The following ODAD1 variants were observed in gnomAD, a reference collection of about 807,000 sequenced individuals.
ODAD1 encodes the protein outer dynein arm docking complex subunit 1, also known as outer dynein arm-docking complex subunit 1.
A neutral mutation model predicts 67.2 loss-of-function variants in ODAD1; 49 were observed. The ratio of observed to expected loss-of-function variants is 0.73; its 90% CI spans 0.58 to 0.92. The LOEUF is 0.92. Ranked by LOEUF, ODAD1 falls within the 40% of genes least tolerant of loss-of-function variation. The pLI, the probability that ODAD1 is intolerant of heterozygous loss-of-function variation, is 0.00. For synonymous variants in ODAD1, 345 were observed against 393.7 expected, an observed-to-expected ratio of 0.88 and a Z score of 1.46; for missense variants, 897 against 953.7, an observed-to-expected ratio of 0.94 and a Z score of 0.78.
rs201076998 is a variant in ODAD1 at position 48,298,035 on chromosome 19, C to T, written c.1467G>A (p.Pro489=). 1.2e-5 allele frequency: 19 copies of T among 1,613,306 alleles called. No homozygotes were observed. The highest frequency in any genetic ancestry group is 4.5e-5 in the East Asian group (2 of 44,872). ...LVLGQSLEDL[P]KKMAPLQPPD... ...GGGGCTGAAGTGGGGCCATCTTCTT[C>T]GGAAGGTCCTCCAGGCTCTGGCCCA... The change falls in exon 14 of 16, where the codon CCG becomes CCA. Residue 489 remains proline, a synonymous_variant. Coordinates refer to ENST00000674294, the MANE Select transcript of ODAD1 (RefSeq NM_001364171.2).
intron 12 of ODAD1, among the ~76,000 whole-genome samples, chr19:48,302,117 T>C (rs554584523): frequency 7.0e-6 from 1 of 142,222 alleles, no homozygotes; most frequent in Non-Finnish European, 1.5e-5. Flanking sequence ...GATGGATGAA[T>C]GGATGGATGG....
intron 12 of ODAD1, among the ~76,000 whole-genome samples, chr19:48,299,731 G>A (rs575639902): frequency 1.3e-5 from 2 of 152,252 alleles, no homozygotes; most frequent in Admixed American, 6.5e-5. Flanking sequence ...GAACCAGGAG[G>A]GGGAGATTGC....
At position 48,312,128 on chromosome 19, in the gene ODAD1, A is replaced by T. The variant is rs1245345726; in HGVS notation, c.361-12T>A. On this transcript the variant is annotated splice_polypyrimidine_tract_variant and intron_variant, in intron 5 of 15. Coordinates refer to ENST00000674294, the MANE Select transcript of ODAD1 (RefSeq NM_001364171.2). ...TCCCACTCCTGGATCTACAAGAAAGAGGATGGTACCTGTTTTTGGTTGCCT... is the reference window on the plus strand; with the variant it reads ...TCCCACTCCTGGATCTACAAGAAAGTGGATGGTACCTGTTTTTGGTTGCCT... The T allele has an allele frequency of 3.9e-6, 6 of 1,550,234 alleles. No individual in the cohort carries two copies. Among genetic ancestry groups the T allele is most frequent in the Non-Finnish European group, 5.2e-6 (6 of 1,145,750 alleles).
At position 48,318,728 on chromosome 19, in the gene ODAD1, C is replaced by T. The variant is rs746803038; in HGVS notation, c.155G>A (p.Arg52His). ...RRAYSKEVHQ[R>H]INKQLEEIRR... ...CCCAGCTCACAGTTGCTTGTTGATGCGCTGGTGGACTTCCTTGCTGTAGGC... is the reference window on the plus strand; with the variant it reads ...CCCAGCTCACAGTTGCTTGTTGATGTGCTGGTGGACTTCCTTGCTGTAGGC... The change falls in exon 4 of 16, where the codon CGC (arginine) becomes CAC (histidine). Residue 52 changes from arginine to histidine, a missense_variant. Coordinates refer to ENST00000674294, the MANE Select transcript of ODAD1 (RefSeq NM_001364171.2). 3.8e-5 allele frequency: 59 copies of T among 1,550,134 alleles called. No homozygotes were observed. The South Asian group carries it at 5.6e-4, about 15-fold the overall frequency.
intron 7 of ODAD1, 93 bp downstream of exon 7, chr19:48,311,460 A>T: frequency 2.7e-6 from 2 of 728,908 alleles, no homozygotes; most frequent in Non-Finnish European, 4.9e-6. Flanking sequence ...CCCATACTTG[A>T]GGCCTGAGTG....
At chr19:48,308,920 G>A (rs1968686358) in intron 7 of ODAD1, among the ~76,000 whole-genome samples, 1 of 151,924 alleles carries the variant, frequency 6.6e-6, no homozygotes, top group Non-Finnish European at 1.5e-5. Context: ...CCACTCCAGG[G>A]AGCAGGCAGC....
chr19:48,311,510 G>T, intron 7 of ODAD1, 43 bp downstream of exon 7: 1 of 1,155,260 alleles, frequency 8.7e-7, no homozygotes, highest in Non-Finnish European at 1.3e-6. Flanking sequence ...GAGGACCTGC[G>T]CAGGGGTCCC....
intron 5 of ODAD1, among the ~76,000 whole-genome samples, chr19:48,312,579 G>C (rs570222843): frequency 2.0e-5 from 3 of 151,838 alleles, no homozygotes; most frequent in Non-Finnish European, 2.9e-5. Flanking sequence ...ACCACACCCA[G>C]CTAATTTTTG....
chr19:48,318,354 G>C, intron 5 of ODAD1, 33 bp downstream of exon 5: 1 of 1,534,176 alleles, frequency 6.5e-7, no homozygotes. Context: ...TTGCCCGTAA[G>C]CAGGATCCGT....
At chr19:48,304,659 C>T (rs1247646955) in intron 8 of ODAD1, among the ~76,000 whole-genome samples, 1 of 151,302 alleles carries the variant, frequency 6.6e-6, no homozygotes, top group Admixed American at 6.6e-5. Context: ...CAAAAGAGTG[C>T]GACATCATAT....
At chr19:48,315,226 C>G (rs1160063234) in intron 5 of ODAD1, among the ~76,000 whole-genome samples, 2 of 151,962 alleles carry the variant, frequency 1.3e-5, no homozygotes, top group Admixed American at 6.6e-5. Context: ...GAAGAGATGA[C>G]ATACGGTAAA....
chr19:48,321,316 C>T (rs1019664082), intron 1 of ODAD1, among the ~76,000 whole-genome samples: 1 of 152,166 alleles, frequency 6.6e-6, no homozygotes, highest in African/African-American at 2.4e-5. Context: ...GCCTGTGGAG[C>T]GGTGCTGCGG....
chr19:48,297,925 C>T (rs1333402128), intron 14 of ODAD1, 75 bp downstream of exon 14: 2 of 1,240,892 alleles, frequency 1.6e-6, no homozygotes, highest in Non-Finnish European at 2.3e-6. Flanking sequence ...CCCCCCAAAA[C>T]TCTCTATCCT....
Position 48,296,745 on chromosome 19 carries a change from G to C in ODAD1, c.*231C>G, listed in dbSNP as rs1968291773. On this transcript the variant is annotated 3_prime_UTR_variant, in exon 16 of 16. Transcript: ENST00000674294. ...CACTGACCAGGAAGCCCAGAGAACAGGAGATCAGGAGTCAGAGGGAAAAGC... is the reference window on the plus strand; with the variant it reads ...CACTGACCAGGAAGCCCAGAGAACACGAGATCAGGAGTCAGAGGGAAAAGC... 1 of 1,381,586 alleles carries C rather than the reference G, an allele frequency of 7.2e-7. No individual in the cohort carries two copies. Among genetic ancestry groups the C allele is most frequent in the Non-Finnish European group, 9.3e-7 (1 of 1,072,370 alleles). 85.6% of individuals were successfully genotyped at this position (1,381,586 alleles called of 1,614,324 possible). A position where few individuals can be genotyped will look rare whatever the true frequency, so the allele number is the denominator to read the frequency against.
At chr19:48,312,480 G>T (rs1342212172) in intron 5 of ODAD1, among the ~76,000 whole-genome samples, 2 of 139,478 alleles carry the variant, frequency 1.4e-5, no homozygotes, top group Admixed American at 1.5e-4. Flanking sequence ...GCAGTGGCGC[G>T]ATCTTGGCTC....
chr19:48,313,103 GCT>G (rs1051827373), intron 5 of ODAD1, among the ~76,000 whole-genome samples: 3 of 152,164 alleles, frequency 2.0e-5, no homozygotes, highest in Admixed American at 6.5e-5. Context: ...TTCAATTTGT[GCT>G]CTGTTATGGG....
At chr19:48,311,858 C>G (rs1600869129) in intron 6 of ODAD1, 136 bp downstream of exon 6, 1 of 877,582 alleles carries the variant, frequency 1.1e-6, no homozygotes, top group Non-Finnish European at 1.8e-6. Context: ...TCCTTGGGAA[C>G]CTCCATCCCT....
intron 12 of ODAD1, among the ~76,000 whole-genome samples, chr19:48,298,642 T>G (rs1345675609): frequency 6.6e-6 from 1 of 152,200 alleles, no homozygotes; most frequent in Non-Finnish European, 1.5e-5. Context: ...GGGCCTGCAC[T>G]TGGCTTGACA....
chr19:48,313,875 C>A (rs1042428218), intron 5 of ODAD1, among the ~76,000 whole-genome samples: 4 of 151,002 alleles, frequency 2.6e-5, no homozygotes, highest in African/African-American at 9.8e-5. Context: ...AGAGGGAGAT[C>A]CTGTCTCAAA....
Sources: allele counts gnomAD v4.1 joint callset (sites outside exome capture counted in the v4.1 genomes callset), GRCh38; gene constraint gnomAD v4.1.1; transcripts MANE v1.5; gene names NCBI Gene and HGNC (gene_info 2026-07-23, HGNC 2026-07-21).